PPP2R5A: variants seen among roughly 807,000 people sequenced by gnomAD.
PPP2R5A encodes protein phosphatase 2 regulatory subunit B'alpha, also known as serine/threonine-protein phosphatase 2A 56 kDa regulatory subunit alpha isoform.
A neutral mutation model predicts 64.2 loss-of-function variants in PPP2R5A; 25 were observed. The ratio of observed to expected loss-of-function variants is 0.39; its 90% CI spans 0.28 to 0.54. The LOEUF (loss-of-function observed/expected upper bound fraction) is 0.54, where lower values mean the gene tolerates loss of function less well. Among genes scored for constraint, PPP2R5A ranks in the 20% least tolerant of loss-of-function variants. PPP2R5A has a pLI of 0.67. For missense variants in PPP2R5A, 425 were observed against 576.3 expected, an observed-to-expected ratio of 0.74 and a Z score of 2.69; for synonymous variants, 198 against 201.2, an observed-to-expected ratio of 0.98 and a Z score of 0.13.
intron 1 of PPP2R5A, among the ~76,000 whole-genome samples, chr1:212,294,485 C>T (rs6695266): frequency 0.53 from 80,878 of 151,966 alleles, 21,836 homozygotes; most frequent in South Asian, 0.63. Context: ...AAAACGTGCC[C>T]TACCATTCTT....
chr1:212,322,254 G>A (rs1558147133), intron 1 of PPP2R5A, among the ~76,000 whole-genome samples: 1 of 112,674 alleles, frequency 8.9e-6, no homozygotes, highest in Non-Finnish European at 1.8e-5. Context: ...GGAGGGAGAG[G>A]GAGAGGGAGA....
chr1:212,288,934 G>A (rs1270159538), intron 1 of PPP2R5A, among the ~76,000 whole-genome samples: 1 of 152,144 alleles, frequency 6.6e-6, no homozygotes, highest in Non-Finnish European at 1.5e-5. Context: ...ACCATAGTAA[G>A]GATTAACAAA....
chr1:212,324,397 C>T (rs528059106), intron 1 of PPP2R5A, among the ~76,000 whole-genome samples: 2 of 152,112 alleles, frequency 1.3e-5, no homozygotes, highest in African/African-American at 2.4e-5. Context: ...TGTTATGTGG[C>T]GCATGACTGT....
intron 1 of PPP2R5A, among the ~76,000 whole-genome samples, chr1:212,308,543 G>A (rs1658963678): frequency 6.6e-6 from 1 of 151,732 alleles, no homozygotes; most frequent in Non-Finnish European, 1.5e-5. Context: ...TGAGTAGTTG[G>A]GACTACAGGC....
intron 3 of PPP2R5A, 23 bp downstream of exon 3, chr1:212,333,621 G>A (rs1454167888): frequency 1.5e-6 from 2 of 1,347,084 alleles, no homozygotes; most frequent in Non-Finnish European, 2.0e-6. Flanking sequence ...ATTACGTATT[G>A]GCAGTTTTTA....
At chr1:212,286,666 C>T (rs890711019) in intron 1 of PPP2R5A, among the ~76,000 whole-genome samples, 2 of 152,168 alleles carry the variant, frequency 1.3e-5, no homozygotes, top group South Asian at 4.1e-4. Context: ...CGAACCTTCC[C>T]CGACCTTCAC....
chr1:212,351,968 TTTTTA>T (rs1400578174), intron 8 of PPP2R5A, among the ~76,000 whole-genome samples: 14 of 150,552 alleles, frequency 9.3e-5, no homozygotes, highest in South Asian at 2.1e-4. Context: ...TTATTTTTCT[TTTTTA>T]TTTTATTTTA....
At chr1:212,325,970 TTTTAAC>T (rs1659401932) in intron 1 of PPP2R5A, among the ~76,000 whole-genome samples, 1 of 152,146 alleles carries the variant, frequency 6.6e-6, no homozygotes, top group Non-Finnish European at 1.5e-5. Context: ...CACATAACCA[TTTTAAC>T]TTTAAGGGTA....
At chr1:212,320,932 C>T (rs1373679381) in intron 1 of PPP2R5A, among the ~76,000 whole-genome samples, 5 of 105,940 alleles carry the variant, frequency 4.7e-5, no homozygotes, top group South Asian at 3.7e-4. Flanking sequence ...GCTGGCCGGG[C>T]GGGGGGCTGA....
At chr1:212,336,195 A>G (rs756051341) in intron 3 of PPP2R5A, among the ~76,000 whole-genome samples, 4 of 151,818 alleles carry the variant, frequency 2.6e-5, no homozygotes, top group Non-Finnish European at 5.9e-5. Context: ...GCTCACTGCA[A>G]CCTCCACCTC....
At chr1:212,351,102 CAAAAA>C (rs58625826) in intron 8 of PPP2R5A, among the ~76,000 whole-genome samples, 1 of 103,742 alleles carries the variant, frequency 9.6e-6, no homozygotes, top group East Asian at 2.6e-4. Context: ...CGAGATGACA[CAAAAA>C]AAAAAACAAA....
chr1:212,347,561 C>T (rs576789819), intron 6 of PPP2R5A, among the ~76,000 whole-genome samples, 155 bp downstream of exon 6: 5 of 146,136 alleles, frequency 3.4e-5, no homozygotes, highest in African/African-American at 5.1e-5. Context: ...TTTTTTGAGA[C>T]GGAGTTTCGC....
intron 6 of PPP2R5A, 73 bp from the exon 7 acceptor site, chr1:212,348,316 C>G: frequency 1.1e-6 from 1 of 914,964 alleles, no homozygotes; most frequent in South Asian, 1.3e-5. Context: ...TCCTTATGTA[C>G]TCATGGATAT....
chr1:212,293,084 C>T (rs1435127956), intron 1 of PPP2R5A, among the ~76,000 whole-genome samples: 3 of 152,132 alleles, frequency 2.0e-5, no homozygotes, highest in Admixed American at 6.5e-5. Context: ...AACAGAACAA[C>T]AACAACAAAA....
chr1:212,303,499 T>C (rs2102415740), intron 1 of PPP2R5A, among the ~76,000 whole-genome samples: 1 of 152,300 alleles, frequency 6.6e-6, no homozygotes, highest in South Asian at 2.1e-4. Flanking sequence ...CTTGTGTCTT[T>C]TCACTTTCTT....
intron 3 of PPP2R5A, among the ~76,000 whole-genome samples, chr1:212,338,982 T>C (rs1037989078): frequency 6.6e-6 from 1 of 152,090 alleles, no homozygotes; most frequent in East Asian, 1.9e-4. Context: ...AAAATAATAA[T>C]AAAATAATTG....
chr1:212,335,488 A>AG (rs373160590), intron 3 of PPP2R5A, among the ~76,000 whole-genome samples: 1 of 151,810 alleles, frequency 6.6e-6, no homozygotes, highest in African/African-American at 2.4e-5. Flanking sequence ...AAAAAAAAAA[A>AG]GAAAAAAGAT....
At chr1:212,297,096 CTTTTTTTTTT>C (rs869112186) in intron 1 of PPP2R5A, among the ~76,000 whole-genome samples, 1 of 82,646 alleles carries the variant, frequency 1.2e-5, no homozygotes, top group Admixed American at 1.6e-4. Context: ...TTTGCTTCTT[CTTTTTTTTTT>C]TTTTTTTTTT....
At chr1:212,343,505 A>G (rs1052620516) in intron 4 of PPP2R5A, among the ~76,000 whole-genome samples, 17 of 152,318 alleles carry the variant, frequency 1.1e-4, no homozygotes, top group African/African-American at 3.8e-4. Flanking sequence ...ACTACCCTTG[A>G]CCTCATATAA....
Sources: allele counts gnomAD v4.1 joint callset (sites outside exome capture counted in the v4.1 genomes callset), GRCh38; gene constraint gnomAD v4.1.1; transcripts MANE v1.5; gene names NCBI Gene and HGNC (gene_info 2026-07-23, HGNC 2026-07-21).